Variants in IDE observed in about 807,000 individuals in gnomAD.
The protein encoded by IDE is insulin-degrading enzyme.
Under a neutral mutation model 133.2 loss-of-function variants are expected in IDE, and 58 were observed. The observed-to-expected ratio is 0.44, with a 90% CI of 0.35 to 0.54. The LOEUF is 0.54. IDE is among the 20% of genes least tolerant of loss of function. IDE has a pLI of 0.00. For missense variants in IDE, 981 were observed against 1,234.0 expected, an observed-to-expected ratio of 0.79 and a Z score of 3.07; for synonymous variants, 396 against 421.3, an observed-to-expected ratio of 0.94 and a Z score of 0.73.
intron 4 of IDE, among the ~76,000 whole-genome samples, chr10:92,515,560 C>CTTT (rs770666032): frequency 1.9e-5 from 2 of 106,732 alleles, no homozygotes; most frequent in Admixed American, 1.0e-4. Context: ...CGCACCCGGC[C>CTTT]TTTTTTTTTT....
chr10:92,483,266 A>C lies in IDE; in HGVS notation c.1728T>G (p.Phe576Leu), dbSNP rs750462880. 1 of 1,586,216 alleles carries C rather than the reference A, an allele frequency of 6.3e-7. No individual in the cohort carries two copies. The highest frequency in any genetic ancestry group is 1.7e-5 in the Admixed American group (1 of 59,962). Reference sequence around the variant, plus strand: ...TTCATCTTACATACCTGAAAAATTCAAAGTTGAGACAAGCCTTCGGCAAAA... The same window carrying C: ...TTCATCTTACATACCTGAAAAATTCCAAGTTGAGACAAGCCTTCGGCAAAA... ...KFFLPKACLN[F>L]EFFSPFAYVD... is the part of the protein sequence containing the mutation. The change falls in exon 14 of 25, where the codon TTT becomes TTG. Residue 576 changes from phenylalanine (F) to leucine (L), a missense_variant. Physicochemically the swap from Phe to Leu is conservative, Grantham distance 22 (BLOSUM62 0). Transcript: ENST00000265986.
At chr10:92,503,854 G>C (rs1401347685) in intron 11 of IDE, among the ~76,000 whole-genome samples, 1 of 151,848 alleles carries the variant, frequency 6.6e-6, no homozygotes, top group African/African-American at 2.4e-5. Context: ...GAGTAGCTGG[G>C]ATTACAGATG....
chr10:92,465,336 G>C (rs1360203183), intron 20 of IDE, among the ~76,000 whole-genome samples: 1 of 152,120 alleles, frequency 6.6e-6, no homozygotes, highest in Non-Finnish European at 1.5e-5. Flanking sequence ...TGCCCTCAAG[G>C]AACTCAGGCT....
chr10:92,524,478 T>A (rs1307779602), intron 4 of IDE, among the ~76,000 whole-genome samples: 2 of 69,952 alleles, frequency 2.9e-5, no homozygotes, highest in African/African-American at 1.4e-4. Context: ...TAATATATAA[T>A]ATATATTATA....
intron 9 of IDE, 145 bp downstream of exon 9, chr10:92,507,430 A>G (rs1272990973): frequency 1.6e-6 from 1 of 617,066 alleles, no homozygotes; most frequent in African/African-American, 1.8e-5. Context: ...GCCTTAACTA[A>G]TACTATTATA....
At chr10:92,495,548 G>A (rs760927448) in intron 11 of IDE, among the ~76,000 whole-genome samples, 3 of 151,002 alleles carry the variant, frequency 2.0e-5, no homozygotes, top group Non-Finnish European at 4.4e-5. Flanking sequence ...ACGGGGTTTC[G>A]CCATGTTGGC....
chr10:92,570,668 C>T (rs1368240937), intron 1 of IDE, among the ~76,000 whole-genome samples: 1 of 152,052 alleles, frequency 6.6e-6, no homozygotes, highest in African/African-American at 2.4e-5. Flanking sequence ...TGCCTGTAAC[C>T]CCAGCACTTT....
chr10:92,483,937 A>G (rs1051140580), intron 13 of IDE, among the ~76,000 whole-genome samples: 14 of 152,234 alleles, frequency 9.2e-5, no homozygotes, highest in Admixed American at 6.5e-4. Context: ...AGAGAGGTCC[A>G]TGTGGTGAAA....
chr10:92,522,132 C>A (rs894881677), intron 4 of IDE, among the ~76,000 whole-genome samples: 1 of 151,998 alleles, frequency 6.6e-6, no homozygotes, highest in African/African-American at 2.4e-5. Flanking sequence ...AGTAATTGAA[C>A]TTGTATTAGA....
At chr10:92,557,537 A>G (rs868735985) in intron 1 of IDE, among the ~76,000 whole-genome samples, 1 of 151,976 alleles carries the variant, frequency 6.6e-6, no homozygotes, top group African/African-American at 2.4e-5. Flanking sequence ...CTCAAAAAAA[A>G]CCATACAGAT....
At chr10:92,500,109 C>A (rs968706509) in intron 11 of IDE, among the ~76,000 whole-genome samples, 1 of 152,004 alleles carries the variant, frequency 6.6e-6, no homozygotes, top group African/African-American at 2.4e-5. Flanking sequence ...ACCAGCCTGA[C>A]CAACATGGAG....
intron 1 of IDE, among the ~76,000 whole-genome samples, chr10:92,559,433 G>C (rs547866192): frequency 2.0e-5 from 3 of 152,282 alleles, no homozygotes; most frequent in African/African-American, 7.2e-5. Flanking sequence ...GCAATACTAT[G>C]AGTACTAAAA....
chr10:92,552,857 CAAAAAAAA>C (rs71028827), intron 1 of IDE, among the ~76,000 whole-genome samples: 1 of 49,390 alleles, frequency 2.0e-5, no homozygotes, highest in East Asian at 5.8e-4. Flanking sequence ...GACTCAGTCT[CAAAAAAAA>C]AAAAAAAAAA....
In IDE at chr10:92,453,665, C is replaced by A. The variant is rs1035578446; in HGVS notation, c.*779G>T. 2 of 152,058 alleles carry A rather than the reference C, an allele frequency of 1.3e-5. No homozygotes were observed. Among genetic ancestry groups the A allele is most frequent in the Non-Finnish European group, 2.9e-5 (2 of 68,008 alleles). 9.4% of individuals were successfully genotyped at this position (152,058 alleles called of 1,614,324 possible). ...GTTAAATAAATATGTTGTGTTAAAG[C>A]AATATGTTGATGAGGAAAAGTAAAA... On this transcript the variant is annotated 3_prime_UTR_variant, in exon 25 of 25. Coordinates refer to ENST00000265986, the MANE Select transcript of IDE (RefSeq NM_004969.4).
At chr10:92,469,588 C>A (rs1331086290) in intron 18 of IDE, among the ~76,000 whole-genome samples, 2 of 152,130 alleles carry the variant, frequency 1.3e-5, no homozygotes, top group Non-Finnish European at 2.9e-5. Flanking sequence ...ACTACCACAC[C>A]TGGCTGTTTT....
intron 4 of IDE, among the ~76,000 whole-genome samples, chr10:92,517,832 C>T (rs2135582338): frequency 6.6e-6 from 1 of 152,242 alleles, no homozygotes; most frequent in African/African-American, 2.4e-5. Context: ...ATGAGAATCA[C>T]TTGAAACCAG....
chr10:92,547,526 C>A (rs1350829416), intron 1 of IDE, among the ~76,000 whole-genome samples: 3 of 152,066 alleles, frequency 2.0e-5, no homozygotes, highest in Non-Finnish European at 4.4e-5. Flanking sequence ...TTCAGATTTT[C>A]CTGGATTTTT....
At chr10:92,470,213 G>A in intron 18 of IDE, 41 bp downstream of exon 18, 1 of 1,309,776 alleles carries the variant, frequency 7.6e-7, no homozygotes, top group Non-Finnish European at 1.1e-6. Flanking sequence ...AAAATATCTT[G>A]CAATGATCCA....
At chr10:92,492,967 G>A (rs1012009796) in intron 11 of IDE, among the ~76,000 whole-genome samples, 1 of 152,168 alleles carries the variant, frequency 6.6e-6, no homozygotes, top group African/African-American at 2.4e-5. Flanking sequence ...TAATCTTCCA[G>A]CTGTAGGTGT....
Sources: allele counts gnomAD v4.1 joint callset (sites outside exome capture counted in the v4.1 genomes callset), GRCh38; gene constraint gnomAD v4.1.1; transcripts MANE v1.5; gene names NCBI Gene and HGNC (gene_info 2026-07-23, HGNC 2026-07-21).